Variants in DGKB observed in about 807,000 individuals in gnomAD.
DGKB encodes the protein diacylglycerol kinase beta.
Under a neutral mutation model 114.3 loss-of-function variants are expected in DGKB, and 67 were observed. That is an observed-to-expected ratio of 0.59 (90% confidence interval 0.48 to 0.72). The LOEUF is 0.72. Ranked by LOEUF, DGKB falls within the 30% of genes least tolerant of loss-of-function variation. The pLI, the probability that DGKB is intolerant of heterozygous loss-of-function variation, is 0.00. For missense variants in DGKB, 907 were observed against 975.2 expected (o/e 0.93, Z 0.93); for synonymous variants, 398 against 323.1 (o/e 1.23, Z -2.49).
intron 1 of DGKB, among the ~76,000 whole-genome samples, chr7:14,925,383 T>C (rs993695605): frequency 6.6e-6 from 1 of 152,302 alleles, no homozygotes; most frequent in African/African-American, 2.4e-5. Flanking sequence ...TTTAGGCAGA[T>C]TGCCTGATTT....
At chr7:14,369,077 C>T (rs537706470) in intron 21 of DGKB, among the ~76,000 whole-genome samples, 25 of 152,184 alleles carry the variant, frequency 1.6e-4, no homozygotes, top group African/African-American at 6.0e-4. Context: ...CCCTAGCACC[C>T]CACCCCCGAC....
intron 12 of DGKB, among the ~76,000 whole-genome samples, chr7:14,681,463 G>C (rs1563892501): frequency 6.6e-6 from 1 of 151,582 alleles, no homozygotes; most frequent in East Asian, 1.9e-4. Context: ...GTGTGAGAGA[G>C]AGAGAAAAAG....
At chr7:14,168,756 G>A (rs139831893) in intron 25 of DGKB, among the ~76,000 whole-genome samples, 2 of 152,282 alleles carry the variant, frequency 1.3e-5, no homozygotes, top group Non-Finnish European at 2.9e-5. Context: ...TCTGTGAATT[G>A]GAATGCTGTT....
intron 20 of DGKB, among the ~76,000 whole-genome samples, chr7:14,491,911 A>G (rs1784653247): frequency 6.6e-6 from 1 of 152,036 alleles, no homozygotes; most frequent in Non-Finnish European, 1.5e-5. Flanking sequence ...AGAAAAATTG[A>G]GTCCAACATC....
At position 14,910,632 on chromosome 7, in the gene DGKB, C is replaced by T. The variant is rs187717036; in HGVS notation, c.-188+64064G>A. 5.9e-3 allele frequency among the ~76,000 whole-genome samples: 894 copies of T among 152,218 alleles called. 4 individuals carry two copies. Among genetic ancestry groups the T allele is most frequent in the Non-Finnish European group, 9.5e-3 (643 of 67,994 alleles). On this transcript the variant is annotated intron_variant, in intron 1 of 4. Transcript: ENST00000437998. ...TCGTTACTTTCAATTTTCACATGAACAATCAGAAGTACAAAGAACTTAACT... is the reference window on the plus strand; with the variant it reads ...TCGTTACTTTCAATTTTCACATGAATAATCAGAAGTACAAAGAACTTAACT...
intron 21 of DGKB, among the ~76,000 whole-genome samples, chr7:14,409,945 G>A (rs939158172): frequency 1.3e-5 from 2 of 152,032 alleles, no homozygotes; most frequent in African/African-American, 4.8e-5. Flanking sequence ...TACAAAATAT[G>A]TGTAAATCAA....
At chr7:14,845,120 AAAAAAAAAAAAAAAAAAAAG>A (rs1476735251) in intron 1 of DGKB, among the ~76,000 whole-genome samples, 8 of 55,740 alleles carry the variant, frequency 1.4e-4, no homozygotes, top group African/African-American at 5.0e-4. Context: ...AAAAAAAAAA[AAAAAAAAAAAAAAAAAAAAG>A]AAAGAAAGAA....
At chr7:14,891,762 C>T (rs558410829) in intron 1 of DGKB, among the ~76,000 whole-genome samples, 3 of 151,550 alleles carry the variant, frequency 2.0e-5, no homozygotes, top group Admixed American at 6.6e-5. Context: ...ATACTTATCT[C>T]TCTTTTCATA....
chr7:14,908,744 G>A (rs1324117814), intron 1 of DGKB, among the ~76,000 whole-genome samples: 3 of 152,060 alleles, frequency 2.0e-5, no homozygotes, highest in African/African-American at 7.2e-5. Flanking sequence ...CAGGTAACTT[G>A]AAAGGAAGAG....
intron 21 of DGKB, among the ~76,000 whole-genome samples, chr7:14,407,864 C>T (rs1824195212): frequency 6.6e-6 from 1 of 151,890 alleles, no homozygotes. Context: ...ATAGAATAGA[C>T]AGAACTAGGG....
chr7:14,957,277 G>C (rs1394177453), intron 1 of DGKB, among the ~76,000 whole-genome samples: 2 of 151,890 alleles, frequency 1.3e-5, no homozygotes, highest in Non-Finnish European at 2.9e-5. Context: ...GAGTTTTCTA[G>C]TGATACACCA....
intron 8 of DGKB, among the ~76,000 whole-genome samples, chr7:14,696,439 G>A (rs1823913912): frequency 6.9e-6 from 1 of 145,440 alleles, no homozygotes; most frequent in Non-Finnish European, 1.5e-5. Context: ...AGCTTGCAGT[G>A]AGCCGAGATT....
intron 21 of DGKB, among the ~76,000 whole-genome samples, chr7:14,438,850 T>C (rs1489091914): frequency 6.6e-6 from 1 of 152,156 alleles, no homozygotes; most frequent in Non-Finnish European, 1.5e-5. Context: ...AACACTTTCA[T>C]GTTTTAAAAT....
At chr7:14,779,075 GA>G (rs1838676857) in intron 2 of DGKB, among the ~76,000 whole-genome samples, 1 of 152,014 alleles carries the variant, frequency 6.6e-6, no homozygotes. Flanking sequence ...AGAATTGCTT[GA>G]ACATGGGAGG....
intron 23 of DGKB, among the ~76,000 whole-genome samples, chr7:14,313,778 C>T (rs944109375): frequency 6.6e-6 from 1 of 152,164 alleles, no homozygotes; most frequent in Non-Finnish European, 1.5e-5. Flanking sequence ...GTGGAGCCCA[C>T]CACAGCTCAA....
intron 14 of DGKB, among the ~76,000 whole-genome samples, chr7:14,623,324 A>G (rs1446681242): frequency 6.6e-6 from 1 of 152,174 alleles, no homozygotes; most frequent in Non-Finnish European, 1.5e-5. Context: ...TTGTTAGAGT[A>G]CCATTTCAAT....
At chr7:14,383,163 T>C (rs1333654754) in intron 21 of DGKB, among the ~76,000 whole-genome samples, 8 of 152,182 alleles carry the variant, frequency 5.3e-5, no homozygotes, top group Non-Finnish European at 1.5e-5. Context: ...CTGTTTATAA[T>C]GGATTGTTTT....
intron 21 of DGKB, among the ~76,000 whole-genome samples, chr7:14,362,323 A>C (rs931571765): frequency 1.3e-5 from 2 of 152,060 alleles, no homozygotes; most frequent in African/African-American, 4.8e-5. Context: ...TTTCTCTAAA[A>C]ATTTGGAATT....
intron 20 of DGKB, among the ~76,000 whole-genome samples, chr7:14,526,638 G>A (rs1020437986): frequency 3.3e-4 from 50 of 152,130 alleles, no homozygotes; most frequent in Non-Finnish European, 2.4e-4. Context: ...ATGTAAGAGA[G>A]TGCCATAGTG....
Sources: allele counts gnomAD v4.1 joint callset (sites outside exome capture counted in the v4.1 genomes callset), GRCh38; gene constraint gnomAD v4.1.1; transcripts MANE v1.5; gene names NCBI Gene and HGNC (gene_info 2026-07-23, HGNC 2026-07-21).